NTRK2: variants seen among roughly 807,000 people sequenced by gnomAD.
The protein encoded by NTRK2 is BDNF/NT-3 growth factors receptor.
Under a neutral mutation model 94.5 loss-of-function variants are expected in NTRK2, and 13 were observed. The ratio of observed to expected loss-of-function variants is 0.14; its 90% confidence interval spans 0.09 to 0.22. The LOEUF is 0.22. NTRK2 is among the 10% of genes least tolerant of loss of function. The pLI is 1.00. For synonymous variants in NTRK2, 372 were observed against 407.4 expected (o/e 0.91, Z 1.05); for missense variants, 639 against 1,071.2 (o/e 0.60, Z 5.63).
intron 15 of NTRK2, among the ~76,000 whole-genome samples, chr9:84,934,750 C>T (rs2132727032): frequency 6.6e-6 from 1 of 152,300 alleles, no homozygotes; most frequent in South Asian, 2.1e-4. Context: ...CAATTCTCTA[C>T]CCTGACCCTC....
chr9:84,688,868 G>A (rs1302476959), intron 2 of NTRK2, among the ~76,000 whole-genome samples: 1 of 152,180 alleles, frequency 6.6e-6, no homozygotes, highest in Admixed American at 6.5e-5. Flanking sequence ...TTTTCTTTGG[G>A]AGTTTGTGTA....
At chr9:84,787,576 ACT>A (rs940381098) in intron 12 of NTRK2, among the ~76,000 whole-genome samples, 3 of 152,048 alleles carry the variant, frequency 2.0e-5, no homozygotes, top group African/African-American at 4.8e-5. Flanking sequence ...GTCTTAGTAA[ACT>A]CTCTATATTC....
intron 14 of NTRK2, among the ~76,000 whole-genome samples, chr9:84,914,168 GTTTA>G (rs1564459063): frequency 6.6e-6 from 1 of 151,630 alleles, no homozygotes; most frequent in East Asian, 1.9e-4. Context: ...TGGTTTTTTT[GTTTA>G]TTTGTTTGTT....
intron 6 of NTRK2, among the ~76,000 whole-genome samples, chr9:84,722,099 T>G (rs1014122577): frequency 1.3e-5 from 2 of 151,756 alleles, no homozygotes; most frequent in Admixed American, 1.3e-4. Context: ...GGGGCTTGTA[T>G]TACACTCTGT....
chr9:84,912,859 G>A (rs893319693), intron 14 of NTRK2, among the ~76,000 whole-genome samples: 5 of 151,854 alleles, frequency 3.3e-5, no homozygotes, highest in African/African-American at 7.2e-5. Context: ...CTTGTGATCC[G>A]CCCACCTCGG....
chr9:84,699,403 T>C (rs2060583343), intron 2 of NTRK2, among the ~76,000 whole-genome samples: 1 of 152,188 alleles, frequency 6.6e-6, no homozygotes, highest in Non-Finnish European at 1.5e-5. Flanking sequence ...AATGTATTTA[T>C]TTATCCAGGG....
At chr9:84,956,697 G>A (rs1217978896) in intron 17 of NTRK2, among the ~76,000 whole-genome samples, 2 of 152,186 alleles carry the variant, frequency 1.3e-5, no homozygotes, top group Non-Finnish European at 2.9e-5. Flanking sequence ...TTTTTGAGGA[G>A]GCACCTTCTC....
intron 12 of NTRK2, among the ~76,000 whole-genome samples, chr9:84,829,100 G>C (rs1375954819): frequency 6.6e-6 from 1 of 152,134 alleles, no homozygotes; most frequent in African/African-American, 2.4e-5. Context: ...CCAGGTTTAA[G>C]CAATTCTCAT....
chr9:84,791,717 T>C (rs2068753806), intron 12 of NTRK2, among the ~76,000 whole-genome samples: 1 of 152,256 alleles, frequency 6.6e-6, no homozygotes. Context: ...TCTTTCTGAT[T>C]GGATTTTATG....
chr9:85,011,018 T>A (rs1457782934), intron 17 of NTRK2, among the ~76,000 whole-genome samples: 1 of 152,118 alleles, frequency 6.6e-6, no homozygotes, highest in Non-Finnish European at 1.5e-5. Context: ...TGTCAGGGTC[T>A]CCTCATTCTC....
At chr9:84,983,681 A>T (rs138479286) in intron 17 of NTRK2, among the ~76,000 whole-genome samples, 3 of 152,338 alleles carry the variant, frequency 2.0e-5, no homozygotes, top group African/African-American at 7.2e-5. Context: ...ATAAAAATTC[A>T]GATTTCCACT....
At chr9:84,704,047 A>G (rs1402002491) in intron 4 of NTRK2, among the ~76,000 whole-genome samples, 2 of 152,176 alleles carry the variant, frequency 1.3e-5, no homozygotes, top group Non-Finnish European at 2.9e-5. Flanking sequence ...CTTTTATCAC[A>G]TCACTTCTCC....
chr9:84,957,084 C>T (rs887679655), intron 17 of NTRK2, among the ~76,000 whole-genome samples: 56 of 152,144 alleles, frequency 3.7e-4, no homozygotes, highest in African/African-American at 1.3e-3. Flanking sequence ...AGTTCTACAC[C>T]TTAATGAAAG....
intron 2 of NTRK2, among the ~76,000 whole-genome samples, chr9:84,675,057 T>C (rs2058948814): frequency 6.6e-6 from 1 of 152,150 alleles, no homozygotes; most frequent in African/African-American, 2.4e-5. Flanking sequence ...AGTTCCCTAG[T>C]GTGGAGTTTA....
At chr9:84,711,825 C>T (rs1053990512) in intron 6 of NTRK2, among the ~76,000 whole-genome samples, 24 of 152,188 alleles carry the variant, frequency 1.6e-4, no homozygotes, top group African/African-American at 5.5e-4. Context: ...GAAGACGGCC[C>T]TGACCCTTCC....
intron 14 of NTRK2, among the ~76,000 whole-genome samples, chr9:84,878,298 T>C (rs1221637895): frequency 1.3e-5 from 2 of 152,162 alleles, no homozygotes; most frequent in African/African-American, 4.8e-5. Flanking sequence ...GTGAGTGAGC[T>C]TAGTCCTACA....
chr9:84,946,000 G>A (rs918719030), intron 15 of NTRK2, among the ~76,000 whole-genome samples: 1 of 152,182 alleles, frequency 6.6e-6, no homozygotes, highest in African/African-American at 2.4e-5. Context: ...TCCAGGTCAC[G>A]TAGGTCAGGC....
chr9:85,025,914 G>A lies in NTRK2; in HGVS notation c.*4477G>A, dbSNP rs1833009277. Reference sequence around the variant, plus strand: ...CAAATGTCATTCTAAAGAATGAGGGGTGGGAGGGATTTATAGTTAGAAACG... The same window carrying A: ...CAAATGTCATTCTAAAGAATGAGGGATGGGAGGGATTTATAGTTAGAAACG... On this transcript the variant is annotated 3_prime_UTR_variant, in exon 19 of 19. Transcript: ENST00000277120. 4.3e-6 allele frequency: 1 copy of A among 232,552 alleles called. No homozygotes were observed. Among genetic ancestry groups the A allele is most frequent in the African/African-American group, 2.2e-5 (1 of 45,278 alleles). The allele number at this position is 232,552 out of a possible 1,614,324, so 14.4% of individuals were successfully genotyped here.
chr9:84,959,507 A>G (rs1443443), intron 17 of NTRK2, among the ~76,000 whole-genome samples: 31,840 of 152,110 alleles, frequency 0.21, 3,605 homozygotes, highest in East Asian at 0.36. Flanking sequence ...GGCGGGTGGC[A>G]GCTGTTCTTT....
Sources: allele counts gnomAD v4.1 joint callset (sites outside exome capture counted in the v4.1 genomes callset), GRCh38; gene constraint gnomAD v4.1.1; transcripts MANE v1.5; gene names NCBI Gene and HGNC (gene_info 2026-07-23, HGNC 2026-07-21).